The following HDAC9 variants were observed in gnomAD, a reference collection of about 807,000 sequenced individuals.
HDAC9 encodes MEF-2 interacting transcription repressor (MITR) protein.
A neutral mutation model predicts 139.4 loss-of-function variants in HDAC9; 41 were observed. That is an observed-to-expected ratio of 0.29 (90% CI 0.23 to 0.38). The LOEUF (loss-of-function observed/expected upper bound fraction) is 0.38, where lower values mean the gene tolerates loss of function less well. HDAC9 is among the 10% of genes least tolerant of loss of function. The pLI is 1.00. For missense variants in HDAC9, 1,147 were observed against 1,297.0 expected (o/e 0.88, Z 1.78); for synonymous variants, 517 against 476.2 (o/e 1.09, Z -1.12).
intron 2 of HDAC9, among the ~76,000 whole-genome samples, chr7:18,208,557 G>C (rs1473644539): frequency 1.3e-5 from 2 of 151,852 alleles, no homozygotes; most frequent in Admixed American, 6.6e-5. Context: ...TATATTTTTT[G>C]TAGAGACTGG....
intron 20 of HDAC9, 83 bp downstream of exon 20, chr7:18,835,669 C>T: frequency 6.4e-7 from 1 of 1,554,198 alleles, no homozygotes; most frequent in Non-Finnish European, 8.9e-7. Context: ...ATTTTCTTGT[C>T]CTTTGCTGGT....
chr7:18,415,037 A>G (rs1450174494), intron 1 of HDAC9, among the ~76,000 whole-genome samples: 1 of 152,118 alleles, frequency 6.6e-6, no homozygotes, highest in East Asian at 1.9e-4. Flanking sequence ...TGTGTTCCCA[A>G]ATATTTTCCC....
At chr7:18,390,852 G>A (rs1685403752) in intron 1 of HDAC9, among the ~76,000 whole-genome samples, 1 of 152,208 alleles carries the variant, frequency 6.6e-6, no homozygotes, top group Non-Finnish European at 1.5e-5. Context: ...AGTTTGGGAG[G>A]CCAAGGCAGG....
At chr7:18,096,532 G>A (rs1464725969) in intron 1 of HDAC9, among the ~76,000 whole-genome samples, 5 of 152,110 alleles carry the variant, frequency 3.3e-5, no homozygotes, top group African/African-American at 1.2e-4. Flanking sequence ...TCAAGCTCAT[G>A]GACCTCAGTT....
At chr7:18,220,493 G>A (rs1168452447) in intron 2 of HDAC9, among the ~76,000 whole-genome samples, 1 of 152,156 alleles carries the variant, frequency 6.6e-6, no homozygotes, top group Admixed American at 6.6e-5. Flanking sequence ...ATGATCATAG[G>A]TCTTGAACTG....
chr7:18,877,806 G>A (rs1040800067), intron 22 of HDAC9, among the ~76,000 whole-genome samples: 2 of 152,096 alleles, frequency 1.3e-5, no homozygotes, highest in African/African-American at 4.8e-5. Flanking sequence ...CACTAGTGAT[G>A]TTTTTCTTTC....
intron 6 of HDAC9, among the ~76,000 whole-genome samples, chr7:18,609,768 T>C (rs937448100): frequency 6.6e-6 from 1 of 151,460 alleles, no homozygotes; most frequent in Non-Finnish European, 1.5e-5. Context: ...CTCCTAATGC[T>C]ATCCCTCCCC....
intron 17 of HDAC9, among the ~76,000 whole-genome samples, chr7:18,826,506 T>C (rs941303271): frequency 2.6e-5 from 4 of 152,160 alleles, no homozygotes; most frequent in Non-Finnish European, 4.4e-5. Context: ...GAGAAGAAGA[T>C]CATTTTCAAC....
intron 21 of HDAC9, among the ~76,000 whole-genome samples, chr7:18,865,054 CAAAACA>C (rs1798390833): frequency 2.0e-5 from 3 of 152,098 alleles, no homozygotes; most frequent in African/African-American, 7.2e-5. Flanking sequence ...TTAAAACAAA[CAAAACA>C]ACAACAACAA....
chr7:18,733,127 A>G (rs528410969), intron 13 of HDAC9, among the ~76,000 whole-genome samples: 9 of 145,190 alleles, frequency 6.2e-5, no homozygotes, highest in East Asian at 2.0e-4. Context: ...GTATACATGT[A>G]TATATATACA....
intron 21 of HDAC9, among the ~76,000 whole-genome samples, chr7:18,850,021 A>T (rs1161886484): frequency 6.6e-6 from 1 of 151,802 alleles, no homozygotes; most frequent in African/African-American, 2.4e-5. Flanking sequence ...AGTTTGCTTA[A>T]ATTGCCCTTT....
chr7:18,245,487 C>G (rs1794464959), intron 2 of HDAC9, among the ~76,000 whole-genome samples: 1 of 152,170 alleles, frequency 6.6e-6, no homozygotes, highest in African/African-American at 2.4e-5. Flanking sequence ...ACTCAGGAGG[C>G]TGAGGCGGGA....
chr7:18,177,771 G>A (rs375679580), intron 2 of HDAC9, among the ~76,000 whole-genome samples: 1 of 152,088 alleles, frequency 6.6e-6, no homozygotes, highest in Non-Finnish European at 1.5e-5. Context: ...GTTGGCAGCT[G>A]TATTTATGGT....
At chr7:18,582,561 A>G (rs565125791) in intron 2 of HDAC9, among the ~76,000 whole-genome samples, 2 of 152,032 alleles carry the variant, frequency 1.3e-5, no homozygotes, top group South Asian at 2.1e-4. Flanking sequence ...CACTTTTTTC[A>G]CTTAATGTGA....
chr7:18,282,403 A>G (rs569735438), intron 2 of HDAC9, among the ~76,000 whole-genome samples: 1 of 152,328 alleles, frequency 6.6e-6, no homozygotes, highest in African/African-American at 2.4e-5. Flanking sequence ...AGAAAATCTC[A>G]AAATGGTGCC....
chr7:18,320,904 T>C (rs1799980542), intron 1 of HDAC9, among the ~76,000 whole-genome samples: 1 of 152,180 alleles, frequency 6.6e-6, no homozygotes, highest in African/African-American at 2.4e-5. Context: ...TTTCCAATTG[T>C]CCACTTTCCA....
chr7:18,852,501 G>A (rs1585155599), intron 21 of HDAC9, among the ~76,000 whole-genome samples: 1 of 152,142 alleles, frequency 6.6e-6, no homozygotes, highest in East Asian at 1.9e-4. Flanking sequence ...ATAATACAAA[G>A]GCAAAAATTC....
intron 1 of HDAC9, among the ~76,000 whole-genome samples, chr7:18,324,074 A>G (rs1800248292): frequency 6.6e-6 from 1 of 151,950 alleles, no homozygotes; most frequent in South Asian, 2.1e-4. Context: ...CCCACGTCCA[A>G]ATACAATCAC....
At chr7:18,532,042 A>C (rs1160979585) in intron 2 of HDAC9, among the ~76,000 whole-genome samples, 1 of 152,162 alleles carries the variant, frequency 6.6e-6, no homozygotes, top group East Asian at 1.9e-4. Context: ...TGAGGTCAGG[A>C]GTTTGAGACC....
Sources: allele counts gnomAD v4.1 joint callset (sites outside exome capture counted in the v4.1 genomes callset), GRCh38; gene constraint gnomAD v4.1.1; transcripts MANE v1.5; gene names NCBI Gene and HGNC (gene_info 2026-07-23, HGNC 2026-07-21).